Variants in GRM8 observed in about 807,000 individuals in gnomAD.
GRM8 encodes the protein glutamate metabotropic receptor 8.
GRM8 carries 47 observed loss-of-function variants against 87.2 expected under a neutral mutation model. The observed-to-expected ratio is 0.54, with a 90% CI of 0.43 to 0.69. GRM8 has a LOEUF of 0.69. GRM8 is among the 30% of genes least tolerant of loss of function. The pLI, the probability that GRM8 is intolerant of heterozygous loss-of-function variation, is 0.00. For synonymous variants in GRM8, 396 were observed against 404.5 expected (o/e 0.98, Z 0.25); for missense variants, 1,019 against 1,139.2 (o/e 0.89, Z 1.52).
chr7:126,730,825 A>G (rs1813503532), intron 7 of GRM8, among the ~76,000 whole-genome samples: 1 of 152,192 alleles, frequency 6.6e-6, no homozygotes, highest in Non-Finnish European at 1.5e-5. Context: ...TAGTTTAGAT[A>G]CACAGCATAG....
intron 6 of GRM8, among the ~76,000 whole-genome samples, chr7:126,878,372 G>C (rs372987937): frequency 7.2e-5 from 11 of 152,160 alleles, no homozygotes; most frequent in African/African-American, 1.2e-4. Flanking sequence ...TTGCTATTTA[G>C]TAACAGGCAT....
intron 3 of GRM8, among the ~76,000 whole-genome samples, chr7:126,996,014 T>A (rs1414646658): frequency 6.6e-6 from 1 of 152,040 alleles, no homozygotes. Context: ...GACTTTTCAG[T>A]AGAAACCTTA....
At chr7:127,249,369 C>T (rs189216005) in intron 1 of GRM8, among the ~76,000 whole-genome samples, 243 of 152,236 alleles carry the variant, frequency 1.6e-3, no homozygotes, top group Middle Eastern at 6.8e-3. Context: ...ACTGTCATCC[C>T]CAAATGGAAC....
At chr7:126,829,633 T>G (rs1266117974) in intron 6 of GRM8, among the ~76,000 whole-genome samples, 4 of 152,056 alleles carry the variant, frequency 2.6e-5, no homozygotes, top group Non-Finnish European at 5.9e-5. Context: ...TACAGCACAC[T>G]GATGGGTCTT....
chr7:126,625,707 T>C (rs12537689), intron 7 of GRM8, among the ~76,000 whole-genome samples: 48,627 of 152,020 alleles, frequency 0.32, 8,397 homozygotes, highest in East Asian at 0.43. Context: ...CCCATTATTC[T>C]GTGATATGCA....
Position 127,124,881 on chromosome 7 carries a change from A to G in GRM8, c.511-18169T>C, listed in dbSNP as rs188553580. Reference sequence around the variant, plus strand: ...GTAATCAATTCACCATATTAACGGTATAAATACAAAACCATAATTGGTGTA... The same window carrying G: ...GTAATCAATTCACCATATTAACGGTGTAAATACAAAACCATAATTGGTGTA... On this transcript the variant is annotated intron_variant, in intron 2 of 10. Coordinates refer to ENST00000339582, the MANE Select transcript of GRM8 (RefSeq NM_000845.3). Among the ~76,000 whole-genome samples the G allele has an allele frequency of 1.7e-4, 26 of 152,308 alleles. No individual in the cohort carries two copies. The East Asian group carries it at 5.0e-3, about 29-fold the overall frequency.
At chr7:126,626,101 A>AGTGTATGTGTGT (rs147069195) in intron 7 of GRM8, among the ~76,000 whole-genome samples, 4,751 of 148,800 alleles carry the variant, frequency 0.032, 86 homozygotes, top group Admixed American at 0.046. Flanking sequence ...ATATGAGAGA[A>AGTGTATGTGTGT]GTGTGTGTGT....
chr7:126,976,619 C>T (rs17864087), intron 3 of GRM8, among the ~76,000 whole-genome samples: 22 of 152,022 alleles, frequency 1.4e-4, no homozygotes, highest in Non-Finnish European at 2.4e-4. Flanking sequence ...ACAAAAAAAA[C>T]GAAAATACAA....
At chr7:127,060,383 A>C (rs1820486047) in intron 3 of GRM8, among the ~76,000 whole-genome samples, 1 of 152,142 alleles carries the variant, frequency 6.6e-6, no homozygotes, top group South Asian at 2.1e-4. Flanking sequence ...ACTAGTACCT[A>C]CACTCCAAAA....
At chr7:127,153,548 G>A (rs1055773465) in intron 2 of GRM8, among the ~76,000 whole-genome samples, 1 of 152,128 alleles carries the variant, frequency 6.6e-6, no homozygotes, top group African/African-American at 2.4e-5. Context: ...AGTGGGGAGA[G>A]TGGTGACTTG....
intron 3 of GRM8, among the ~76,000 whole-genome samples, chr7:127,092,888 C>T (rs932908825): frequency 3.9e-5 from 6 of 152,214 alleles, no homozygotes; most frequent in South Asian, 2.1e-4. Context: ...ATTCTTCATG[C>T]CACCTGCACC....
chr7:127,225,506 T>C (rs1797266682), intron 2 of GRM8, among the ~76,000 whole-genome samples: 2 of 150,432 alleles, frequency 1.3e-5, no homozygotes, highest in South Asian at 4.2e-4. Flanking sequence ...AAAATGGAAC[T>C]AAGGTGTCTT....
At chr7:126,641,206 C>G (rs1446906677) in intron 7 of GRM8, among the ~76,000 whole-genome samples, 1 of 152,106 alleles carries the variant, frequency 6.6e-6, no homozygotes, top group Non-Finnish European at 1.5e-5. Context: ...TTTATGTGCT[C>G]TCTTTGTCCC....
At chr7:126,798,816 G>A (rs781293330) in intron 6 of GRM8, among the ~76,000 whole-genome samples, 10 of 152,140 alleles carry the variant, frequency 6.6e-5, no homozygotes, top group Non-Finnish European at 1.2e-4. Context: ...AACCATTAGA[G>A]GGCTGGGGCT....
chr7:126,934,336 G>T (rs1806066344), intron 3 of GRM8, among the ~76,000 whole-genome samples: 1 of 152,154 alleles, frequency 6.6e-6, no homozygotes, highest in South Asian at 2.1e-4. Flanking sequence ...GGTCTCCACA[G>T]CATGCTTATG....
intron 9 of GRM8, among the ~76,000 whole-genome samples, chr7:126,528,990 G>A (rs1190047369): frequency 6.6e-6 from 1 of 152,170 alleles, no homozygotes; most frequent in Non-Finnish European, 1.5e-5. Flanking sequence ...GGGGTGATAT[G>A]GCAAAAGTAT....
intron 6 of GRM8, among the ~76,000 whole-genome samples, chr7:126,863,738 C>A (rs1359690818): frequency 6.6e-6 from 1 of 152,024 alleles, no homozygotes; most frequent in East Asian, 1.9e-4. Context: ...TTATTAATTT[C>A]TGAGGTAAGG....
chr7:126,629,673 A>T (rs1342993287), intron 7 of GRM8, among the ~76,000 whole-genome samples: 3 of 152,172 alleles, frequency 2.0e-5, no homozygotes, highest in Non-Finnish European at 4.4e-5. Flanking sequence ...ACTTAAAAAG[A>T]TAGCAGATAA....
intron 1 of GRM8, among the ~76,000 whole-genome samples, chr7:127,245,137 G>C: frequency 6.6e-6 from 1 of 152,178 alleles, no homozygotes; most frequent in Non-Finnish European, 1.5e-5. Flanking sequence ...AAGTCAACCT[G>C]ATTTTCTGGA....
Sources: gnomAD v4.1 joint callset for allele counts (sites outside exome capture counted in the v4.1 genomes callset) on GRCh38, gnomAD v4.1.1 for gene constraint, MANE v1.5 for transcripts, NCBI Gene and HGNC (gene_info 2026-07-23, HGNC 2026-07-21) for gene names.